The following PDE8B variants were observed in gnomAD, a reference collection of about 807,000 sequenced individuals.
PDE8B encodes the protein high affinity cAMP-specific and IBMX-insensitive 3',5'-cyclic phosphodiesterase 8B.
A neutral mutation model predicts 101.3 loss-of-function variants in PDE8B; 26 were observed. The ratio of observed to expected loss-of-function variants is 0.26; its 90% CI spans 0.19 to 0.36. The LOEUF (loss-of-function observed/expected upper bound fraction) is 0.36, where lower values mean the gene tolerates loss of function less well. Among genes scored for constraint, PDE8B ranks in the 10% least tolerant of loss-of-function variants. PDE8B has a pLI of 1.00. For missense variants in PDE8B, 810 were observed against 1,163.1 expected (o/e 0.70, Z 4.42); for synonymous variants, 424 against 429.3 (o/e 0.99, Z 0.15).
the PDE8B span, among the ~76,000 whole-genome samples, chr5:77,175,083 C>G: frequency 6.6e-6 from 1 of 152,148 alleles, no homozygotes; most frequent in Non-Finnish European, 1.5e-5. Context: ...TTACTCCGCT[C>G]CCCACATCCA....
At chr5:77,106,308 G>A in the PDE8B span, 4 of 152,100 alleles carry the variant, frequency 2.6e-5, no homozygotes, top group African/African-American at 9.7e-5. Context: ...ACTTTTACAT[G>A]TTGTCTATTA....
chr5:77,131,485 A>G, the PDE8B span, among the ~76,000 whole-genome samples: 212 of 152,268 alleles, frequency 1.4e-3, no homozygotes, highest in African/African-American at 4.8e-3. Flanking sequence ...AACCCAAGAA[A>G]GTGGGTTTGG....
intron 1 of PDE8B, among the ~76,000 whole-genome samples, chr5:77,243,825 G>A (rs1167319331): frequency 9.2e-5 from 14 of 152,164 alleles, no homozygotes; most frequent in Admixed American, 9.2e-4. Flanking sequence ...ACAAGTTTTT[G>A]TGTGGATGTG....
At chr5:77,339,734 T>G (rs894081629) in intron 6 of PDE8B, among the ~76,000 whole-genome samples, 2 of 152,146 alleles carry the variant, frequency 1.3e-5, no homozygotes, top group Non-Finnish European at 2.9e-5. Flanking sequence ...ATATGTATCA[T>G]TACTGTCATT....
At chr5:77,291,778 T>G in intron 1 of PDE8B, 1 of 1,578,084 alleles carries the variant, frequency 6.3e-7, no homozygotes, top group East Asian at 2.2e-5. Flanking sequence ...GACTTTCCTC[T>G]GGCCCAAGGA....
chr5:77,306,108 A>T (rs1247158320), intron 1 of PDE8B, among the ~76,000 whole-genome samples: 1 of 152,148 alleles, frequency 6.6e-6, no homozygotes, highest in Non-Finnish European at 1.5e-5. Context: ...CTGTTAACAG[A>T]CTACCAGGCA....
chr5:77,114,753 A>G, the PDE8B span: 1 of 152,270 alleles, frequency 6.6e-6, no homozygotes, highest in South Asian at 2.1e-4. Context: ...CTAGAAGATT[A>G]ATGTTGCCAG....
the PDE8B span, among the ~76,000 whole-genome samples, chr5:77,097,697 A>ATC: frequency 3.9e-3 from 91 of 23,340 alleles, no homozygotes; most frequent in African/African-American, 0.012. Flanking sequence ...ATATATCTAT[A>ATC]TATATATATC....
chr5:77,243,038 T>C (rs1756104515), intron 1 of PDE8B, among the ~76,000 whole-genome samples: 1 of 152,242 alleles, frequency 6.6e-6, no homozygotes, highest in Non-Finnish European at 1.5e-5. Context: ...CAATCAATTA[T>C]ACTTTTTAAT....
chr5:77,243,226 A>G lies in PDE8B; in HGVS notation c.339+31962A>G, dbSNP rs201503475. Among the ~76,000 whole-genome samples, 34 of 152,320 alleles carry G rather than the reference A, an allele frequency of 2.2e-4. No homozygotes were observed. In the East Asian group the frequency reaches 5.2e-3, roughly 23 times the overall value. ...AGAAGATATCTTCTATGGTATGTCC[A>G]TAGATAAAAATGTAATACCTTTAGA... is the stretch of plus-strand genomic sequence containing the variant. On this transcript the variant is annotated intron_variant, in intron 1 of 21. Coordinates refer to ENST00000264917, the MANE Select transcript of PDE8B (RefSeq NM_003719.5).
chr5:77,181,749 T>C, the PDE8B span, among the ~76,000 whole-genome samples: 6 of 152,062 alleles, frequency 3.9e-5, no homozygotes, highest in East Asian at 1.2e-3. Context: ...GCTCTGATAG[T>C]TACAAGTGCT....
intron 10 of PDE8B, among the ~76,000 whole-genome samples, chr5:77,383,999 G>GT (rs573147782): frequency 3.9e-4 from 59 of 152,112 alleles, no homozygotes; most frequent in Middle Eastern, 3.4e-3. Flanking sequence ...TTAAAGTAGT[G>GT]TTTTTTCCAA....
At chr5:77,106,764 T>G in the PDE8B span, among the ~76,000 whole-genome samples, 1 of 152,216 alleles carries the variant, frequency 6.6e-6, no homozygotes, top group Non-Finnish European at 1.5e-5. Flanking sequence ...TAGGTCTTAT[T>G]TAATTTTTAG....
chr5:77,278,743 C>T (rs114702363), intron 1 of PDE8B, among the ~76,000 whole-genome samples: 2,802 of 152,142 alleles, frequency 0.018, 88 homozygotes, highest in African/African-American at 0.064. Flanking sequence ...CATGACCCAC[C>T]GCGCCAGGCC....
chr5:77,291,014 G>T, intron 1 of PDE8B: 1 of 1,612,232 alleles, frequency 6.2e-7, no homozygotes, highest in Non-Finnish European at 8.5e-7. Flanking sequence ...GGAGCACTCA[G>T]GTGGGAAAAC....
At chr5:77,308,950 G>A (rs1455794152) in intron 1 of PDE8B, among the ~76,000 whole-genome samples, 4 of 151,970 alleles carry the variant, frequency 2.6e-5, no homozygotes, top group African/African-American at 9.7e-5. Flanking sequence ...AGGCCGAGGC[G>A]GGCAGATCAC....
chr5:77,423,499 T>C (rs1797135390), intron 20 of PDE8B, among the ~76,000 whole-genome samples: 1 of 152,162 alleles, frequency 6.6e-6, no homozygotes, highest in African/African-American at 2.4e-5. Flanking sequence ...ATAAGCATTC[T>C]TTTCTCCACA....
intron 5 of PDE8B, among the ~76,000 whole-genome samples, chr5:77,333,503 C>T (rs2150310193): frequency 6.6e-6 from 1 of 152,266 alleles, no homozygotes; most frequent in African/African-American, 2.4e-5. Context: ...ATAGATTTTC[C>T]TCATTACCTA....
chr5:77,260,205 A>G (rs1247830973), intron 1 of PDE8B, among the ~76,000 whole-genome samples: 1 of 151,866 alleles, frequency 6.6e-6, no homozygotes, highest in Non-Finnish European at 1.5e-5. Context: ...AAAGAAAGCT[A>G]TCACACTTAA....
Sources: gnomAD v4.1 joint callset for allele counts (sites outside exome capture counted in the v4.1 genomes callset) on GRCh38, gnomAD v4.1.1 for gene constraint, MANE v1.5 for transcripts, NCBI Gene and HGNC (gene_info 2026-07-23, HGNC 2026-07-21) for gene names.